Variants in PLXDC2 observed in about 807,000 individuals in gnomAD.
The protein encoded by PLXDC2 is plexin domain containing 2, also known as plexin domain-containing protein 2.
In PLXDC2, 40 loss-of-function variants were observed where a neutral mutation model predicts 68.9. That is an observed-to-expected ratio of 0.58 (90% CI 0.45 to 0.76). The LOEUF (loss-of-function observed/expected upper bound fraction) is 0.76. Among genes scored for constraint, PLXDC2 ranks in the 30% least tolerant of loss-of-function variants. The pLI, the probability that PLXDC2 is intolerant of heterozygous loss-of-function variation, is 0.00. For synonymous variants in PLXDC2, 243 were observed against 234.2 expected, an observed-to-expected ratio of 1.04 and a Z score of -0.34; for missense variants, 644 against 661.9, an observed-to-expected ratio of 0.97 and a Z score of 0.30.
Position 19,986,569 on chromosome 10 carries a change from A to C in PLXDC2, c.113-15206A>C, listed in dbSNP as rs964708317. On this transcript the variant is annotated intron_variant, in intron 1 of 13. Transcript: ENST00000377252. ...AAAACAAAGAAAAAGAAAAAGACAT[A>C]CAAAAAGAAATGATCCCAGGCTGCC... Among the ~76,000 whole-genome samples, 22 of 51,076 alleles carry C rather than the reference A, an allele frequency of 4.3e-4. 1 individual carries two copies. Among genetic ancestry groups the C allele is most frequent in the Middle Eastern group, 0.019 (1 of 54 alleles). The allele number at this position is 51,076 out of a possible 152,430, so 33.5% of individuals were successfully genotyped here. A position where few individuals can be genotyped will look rare whatever the true frequency, so the allele number is the denominator to read the frequency against.
rs539787318 is a variant in PLXDC2, at chr10:19,883,105, C to A, written c.112+65914C>A. 4.0e-5 allele frequency among the ~76,000 whole-genome samples: 6 copies of A among 151,752 alleles called. No individual in the cohort carries two copies. In the South Asian group the frequency reaches 6.3e-4, roughly 16 times the overall value. ...CCGAGTAGCTGGGACTACAGGCGCC[C>A]GCCACCACGCCCGGCTAATTTTTTG... On this transcript the variant is annotated intron_variant, in intron 1 of 13. Coordinates refer to ENST00000377252, the MANE Select transcript of PLXDC2 (RefSeq NM_032812.9).
At chr10:20,067,152 A>T (rs182064283) in intron 3 of PLXDC2, among the ~76,000 whole-genome samples, 54 of 152,200 alleles carry the variant, frequency 3.5e-4, no homozygotes, top group African/African-American at 8.7e-4. Context: ...TTTATTTTTT[A>T]AAAAAATAGA....
chr10:19,900,903 A>G (rs1459121244), intron 1 of PLXDC2, among the ~76,000 whole-genome samples: 5 of 151,374 alleles, frequency 3.3e-5, no homozygotes, highest in East Asian at 3.9e-4. Context: ...ATAGTCTCCA[A>G]TCCCATCCAG....
chr10:20,196,500 T>C (rs1316292350), intron 9 of PLXDC2, among the ~76,000 whole-genome samples: 4 of 149,990 alleles, frequency 2.7e-5, no homozygotes. Context: ...CATTATCTCA[T>C]TTAATACACA....
rs1401778775 is a variant in PLXDC2 at position 20,287,934 on chromosome 10, A to G, written c.*8115A>G. The stretch of plus-strand genomic sequence containing the variant: ...TGGTAATTCTGTGTGTAGTCATTTG[A>G]AATGTTGAAGTGTGAAAAGAGAAGA... On this transcript the variant is annotated 3_prime_UTR_variant, in exon 14 of 14. Coordinates refer to ENST00000377252, the MANE Select transcript of PLXDC2 (RefSeq NM_032812.9). The G allele has an allele frequency of 3.4e-5, 4 of 119,162 alleles. No homozygotes were observed. Among genetic ancestry groups the G allele is most frequent in the Non-Finnish European group, 4.8e-5 (3 of 62,390 alleles). 7.4% of individuals were successfully genotyped at this position (119,162 alleles called of 1,614,324 possible).
At chr10:20,233,254 G>A (rs887583471) in intron 12 of PLXDC2, among the ~76,000 whole-genome samples, 3 of 151,928 alleles carry the variant, frequency 2.0e-5, no homozygotes, top group East Asian at 1.9e-4. Context: ...GGCCGGGCAC[G>A]GTGGCTCACA....
intron 12 of PLXDC2, among the ~76,000 whole-genome samples, chr10:20,236,594 A>G (rs188955719): frequency 6.6e-6 from 1 of 152,372 alleles, no homozygotes; most frequent in Admixed American, 6.5e-5. Context: ...GCAGATTGTT[A>G]CAAAGAAGAG....
intron 1 of PLXDC2, among the ~76,000 whole-genome samples, chr10:19,937,493 A>G (rs1833743247): frequency 6.8e-6 from 1 of 147,822 alleles, no homozygotes; most frequent in South Asian, 2.1e-4. Flanking sequence ...CTGTGTTCCC[A>G]TGGTTATAGG....
rs1276277882 is a variant in PLXDC2, at chr10:20,117,199, A to C, written c.542-26096A>C. Among the ~76,000 whole-genome samples the C allele has an allele frequency of 2.0e-5, 3 of 152,176 alleles. No individual in the cohort carries two copies. In the South Asian group the frequency reaches 6.2e-4, roughly 31 times the overall value. ...TAGCTTCAAAAGAGCTAAATAAATCAAAAGACATATAAAGATTATGTGAAG... is the reference window on the plus strand; with the variant it reads ...TAGCTTCAAAAGAGCTAAATAAATCCAAAGACATATAAAGATTATGTGAAG... On this transcript the variant is annotated intron_variant, in intron 4 of 13. Coordinates refer to ENST00000377252, the MANE Select transcript of PLXDC2 (RefSeq NM_032812.9).
intron 1 of PLXDC2, among the ~76,000 whole-genome samples, chr10:19,936,000 CTA>C (rs1406759635): frequency 6.6e-6 from 1 of 152,104 alleles, no homozygotes; most frequent in Non-Finnish European, 1.5e-5. Context: ...GTTCTTAGTG[CTA>C]TTTTGATATT....
At chr10:19,863,718 T>A (rs1373772601) in intron 1 of PLXDC2, among the ~76,000 whole-genome samples, 1 of 152,236 alleles carries the variant, frequency 6.6e-6, no homozygotes, top group African/African-American at 2.4e-5. Context: ...ACAAGCATTT[T>A]TTTATGTCAG....
intron 9 of PLXDC2, among the ~76,000 whole-genome samples, 160 bp downstream of exon 9, chr10:20,177,569 A>G (rs1000599646): frequency 6.6e-6 from 1 of 152,130 alleles, no homozygotes; most frequent in Non-Finnish European, 1.5e-5. Context: ...GTTCAAGATC[A>G]GCCTGGGCAA....
At chr10:20,180,265 T>C (rs1260674627) in intron 9 of PLXDC2, among the ~76,000 whole-genome samples, 1 of 152,124 alleles carries the variant, frequency 6.6e-6, no homozygotes, top group African/African-American at 2.4e-5. Context: ...TACCTTTTGG[T>C]GTTTTATTGA....
intron 6 of PLXDC2, among the ~76,000 whole-genome samples, chr10:20,154,170 A>T (rs1313345384): frequency 6.6e-6 from 1 of 152,210 alleles, no homozygotes; most frequent in Non-Finnish European, 1.5e-5. Context: ...TTAAGTTGCC[A>T]TTAAATAGTG....
intron 1 of PLXDC2, among the ~76,000 whole-genome samples, chr10:19,858,929 G>A (rs187395078): frequency 4.0e-5 from 6 of 151,850 alleles, no homozygotes; most frequent in East Asian, 1.9e-4. Flanking sequence ...AAAGCATGGC[G>A]CCAACATCTA....
At chr10:20,175,145 A>G (rs892686135) in intron 7 of PLXDC2, among the ~76,000 whole-genome samples, 2 of 152,230 alleles carry the variant, frequency 1.3e-5, no homozygotes, top group African/African-American at 4.8e-5. Flanking sequence ...TTGTCATATT[A>G]AAGTTAGGCA....
chr10:20,064,645 C>T (rs992548473), intron 3 of PLXDC2, among the ~76,000 whole-genome samples: 4 of 152,134 alleles, frequency 2.6e-5, no homozygotes, highest in African/African-American at 4.8e-5. Flanking sequence ...GTTTCTCACT[C>T]ACAGCTAACC....
intron 1 of PLXDC2, among the ~76,000 whole-genome samples, chr10:19,951,363 CACAT>C (rs1168130148): frequency 6.6e-6 from 1 of 152,024 alleles, no homozygotes; most frequent in African/African-American, 2.4e-5. Flanking sequence ...AAGAAACAAA[CACAT>C]ACACACACAT....
chr10:20,099,134 C>T (rs776425383), intron 4 of PLXDC2, among the ~76,000 whole-genome samples: 4 of 152,030 alleles, frequency 2.6e-5, no homozygotes, highest in Non-Finnish European at 4.4e-5. Flanking sequence ...GTATGTTTAA[C>T]GCACTGCTGA....
Sources: allele counts gnomAD v4.1 joint callset (sites outside exome capture counted in the v4.1 genomes callset), GRCh38; gene constraint gnomAD v4.1.1; transcripts MANE v1.5; gene names NCBI Gene and HGNC (gene_info 2026-07-23, HGNC 2026-07-21).